Variants in SYNPR observed in about 807,000 individuals in gnomAD.
The protein encoded by SYNPR is synaptoporin.
A neutral mutation model predicts 32.9 loss-of-function variants in SYNPR; 23 were observed. The ratio of observed to expected loss-of-function variants is 0.70; its 90% CI spans 0.50 to 0.99. SYNPR has a LOEUF of 0.99. SYNPR is among the 50% of genes least tolerant of loss of function. The probability of loss-of-function intolerance (pLI) is 0.00; values close to 1 mark genes in which losing one functional copy is unlikely to be tolerated. For missense variants in SYNPR, 318 were observed against 349.3 expected, an observed-to-expected ratio of 0.91 and a Z score of 0.71; for synonymous variants, 146 against 135.9, an observed-to-expected ratio of 1.07 and a Z score of -0.52.
At chr3:63,321,790 A>G (rs2087113385) in intron 2 of SYNPR, among the ~76,000 whole-genome samples, 1 of 152,076 alleles carries the variant, frequency 6.6e-6, no homozygotes, top group African/African-American at 2.4e-5. Flanking sequence ...AGTAGCCAAT[A>G]TAAACACAAA....
intron 3 of SYNPR, among the ~76,000 whole-genome samples, chr3:63,543,547 T>C (rs77355077): frequency 2.6e-4 from 40 of 152,206 alleles, no homozygotes; most frequent in Non-Finnish European, 4.6e-4. Context: ...TTGTTTTTGT[T>C]TTTGAGCCCT....
At chr3:63,429,535 A>G (rs1353369509) in intron 2 of SYNPR, among the ~76,000 whole-genome samples, 2 of 152,204 alleles carry the variant, frequency 1.3e-5, no homozygotes, top group Non-Finnish European at 2.9e-5. Flanking sequence ...TCTGATAGTC[A>G]AAGTTTTGTC....
chr3:63,256,773 G>A (rs1269742884), intron 2 of SYNPR, among the ~76,000 whole-genome samples: 1 of 152,144 alleles, frequency 6.6e-6, no homozygotes, highest in Non-Finnish European at 1.5e-5. Flanking sequence ...ACTACTCTGA[G>A]CTAAAGGAAG....
intron 2 of SYNPR, among the ~76,000 whole-genome samples, chr3:63,368,093 C>T (rs1021061519): frequency 6.6e-5 from 10 of 152,054 alleles, no homozygotes; most frequent in Non-Finnish European, 4.4e-5. Context: ...TAGAGATGAG[C>T]CTGCATGATG....
At chr3:63,613,155 T>A (rs909617771) in intron 5 of SYNPR, among the ~76,000 whole-genome samples, 2 of 149,042 alleles carry the variant, frequency 1.3e-5, no homozygotes, top group Non-Finnish European at 3.0e-5. Context: ...TCAGCTAATT[T>A]TTTTTTTTTT....
At chr3:63,445,901 G>T (rs1206815017) in intron 2 of SYNPR, among the ~76,000 whole-genome samples, 1 of 152,164 alleles carries the variant, frequency 6.6e-6, no homozygotes, top group Admixed American at 6.5e-5. Flanking sequence ...ATACAAGGTA[G>T]TCTCCTTCCT....
At chr3:63,243,980 C>G (rs1234821886) in intron 1 of SYNPR, among the ~76,000 whole-genome samples, 1 of 151,950 alleles carries the variant, frequency 6.6e-6, no homozygotes, top group African/African-American at 2.4e-5. Flanking sequence ...GGAAAAGAGC[C>G]CTTTAAGTAT....
At chr3:63,231,116 A>G (rs2086163600) in intron 1 of SYNPR, among the ~76,000 whole-genome samples, 1 of 152,190 alleles carries the variant, frequency 6.6e-6, no homozygotes, top group Non-Finnish European at 1.5e-5. Flanking sequence ...TCGACCAACA[A>G]GTGGATAAAG....
At chr3:63,389,213 A>T (rs535026054) in intron 2 of SYNPR, among the ~76,000 whole-genome samples, 1 of 152,216 alleles carries the variant, frequency 6.6e-6, no homozygotes, top group African/African-American at 2.4e-5. Flanking sequence ...AGTTGATAAA[A>T]AATAAATAGT....
intron 2 of SYNPR, among the ~76,000 whole-genome samples, chr3:63,295,631 A>G (rs575569281): frequency 1.3e-5 from 2 of 152,322 alleles, no homozygotes; most frequent in African/African-American, 4.8e-5. Context: ...AGGCAGAGAG[A>G]ATTTCTCTGA....
chr3:63,205,381 C>T, the SYNPR span, among the ~76,000 whole-genome samples: 2 of 152,252 alleles, frequency 1.3e-5, no homozygotes, highest in Non-Finnish European at 2.9e-5. Flanking sequence ...ATATTCTCTT[C>T]TACCATTTTC....
chr3:63,202,618 C>T, the SYNPR span, among the ~76,000 whole-genome samples: 1 of 152,048 alleles, frequency 6.6e-6, no homozygotes, highest in African/African-American at 2.4e-5. Context: ...ACCTCTCTGC[C>T]CTGAATTTTC....
chr3:63,355,647 G>A (rs532881457), intron 2 of SYNPR, among the ~76,000 whole-genome samples: 3 of 152,190 alleles, frequency 2.0e-5, no homozygotes, highest in Admixed American at 6.5e-5. Context: ...CCCTGCTTTC[G>A]TTTTCATCCT....
intron 2 of SYNPR, among the ~76,000 whole-genome samples, chr3:63,397,984 TC>T (rs1179520790): frequency 1.3e-5 from 2 of 152,240 alleles, no homozygotes; most frequent in Non-Finnish European, 2.9e-5. Flanking sequence ...AAATGGAATC[TC>T]CTGTTACTCT....
intron 2 of SYNPR, among the ~76,000 whole-genome samples, chr3:63,291,285 T>G (rs569368978): frequency 2.0e-5 from 3 of 152,292 alleles, no homozygotes; most frequent in Non-Finnish European, 4.4e-5. Flanking sequence ...TCTTTATCTT[T>G]CTGCCTCTCA....
intron 2 of SYNPR, among the ~76,000 whole-genome samples, chr3:63,309,919 A>G (rs1284736705): frequency 6.6e-6 from 1 of 151,998 alleles, no homozygotes; most frequent in East Asian, 1.9e-4. Context: ...TAAAGTGGCC[A>G]TCTTCTGCCT....
chr3:63,232,355 C>T (rs1006643711), intron 1 of SYNPR, among the ~76,000 whole-genome samples: 1 of 151,802 alleles, frequency 6.6e-6, no homozygotes, highest in Non-Finnish European at 1.5e-5. Context: ...GTATGCACCA[C>T]CAGGCCCGGT....
intron 3 of SYNPR, among the ~76,000 whole-genome samples, chr3:63,524,838 T>C (rs1575691650): frequency 7.4e-6 from 1 of 134,404 alleles, no homozygotes; most frequent in Non-Finnish European, 1.6e-5. Context: ...TGTGTGTGTG[T>C]GTGTGTGTGT....
At chr3:63,499,061 T>C (rs898767955) in intron 3 of SYNPR, among the ~76,000 whole-genome samples, 1 of 152,046 alleles carries the variant, frequency 6.6e-6, no homozygotes, top group Non-Finnish European at 1.5e-5. Context: ...AAATTTTTTC[T>C]GGTGCAGTGA....
Sources: allele counts gnomAD v4.1 joint callset (sites outside exome capture counted in the v4.1 genomes callset), GRCh38; gene constraint gnomAD v4.1.1; transcripts MANE v1.5; gene names NCBI Gene and HGNC (gene_info 2026-07-23, HGNC 2026-07-21).